STK32B: variants seen among roughly 807,000 people sequenced by gnomAD.
STK32B encodes the protein serine/threonine kinase 32B, also known as serine/threonine-protein kinase 32B.
Under a neutral mutation model 52.6 loss-of-function variants are expected in STK32B, and 43 were observed. The observed-to-expected ratio is 0.82, with a 90% CI of 0.64 to 1.05. The LOEUF (loss-of-function observed/expected upper bound fraction) is 1.05, where lower values mean the gene tolerates loss of function less well. Ranked by LOEUF, STK32B falls within the 50% of genes least tolerant of loss-of-function variation. The pLI, the probability that STK32B is intolerant of heterozygous loss-of-function variation, is 0.00. For missense variants in STK32B, 621 were observed against 534.6 expected (o/e 1.16, Z -1.59); for synonymous variants, 238 against 204.3 (o/e 1.17, Z -1.41).
intron 3 of STK32B, among the ~76,000 whole-genome samples, chr4:5,171,277 G>C (rs905024203): frequency 1.3e-5 from 2 of 151,892 alleles, no homozygotes; most frequent in East Asian, 1.9e-4. Context: ...CTCTGATGGT[G>C]GTTTCTTTTG....
intron 3 of STK32B, among the ~76,000 whole-genome samples, chr4:5,193,255 G>A (rs566486676): frequency 6.6e-6 from 1 of 152,222 alleles, no homozygotes; most frequent in East Asian, 1.9e-4. Context: ...CTGCAGGACT[G>A]GGCCTCATCT....
intron 1 of STK32B, among the ~76,000 whole-genome samples, chr4:5,111,008 A>G (rs1438781043): frequency 6.6e-6 from 1 of 152,154 alleles, no homozygotes; most frequent in Admixed American, 6.5e-5. Context: ...ACAAACACAT[A>G]AAAATGCTTA....
chr4:5,450,962 C>G, intron 7 of STK32B, among the ~76,000 whole-genome samples: 1 of 152,276 alleles, frequency 6.6e-6, no homozygotes, highest in East Asian at 1.9e-4. Context: ...GGTTCCCATC[C>G]ACACTCTGTG....
chr4:5,286,714 A>G (rs1728564692), intron 3 of STK32B, among the ~76,000 whole-genome samples: 2 of 151,336 alleles, frequency 1.3e-5, no homozygotes, highest in South Asian at 4.2e-4. Context: ...TCAAAATAGG[A>G]CTGTTTTTGC....
At chr4:5,305,022 A>G (rs1481635777) in intron 3 of STK32B, among the ~76,000 whole-genome samples, 1 of 151,936 alleles carries the variant, frequency 6.6e-6, no homozygotes, top group African/African-American at 2.4e-5. Context: ...TCATCCCTGC[A>G]TCCCTGTTAT....
chr4:5,402,525 C>T lies in STK32B; in HGVS notation c.472+4281C>T, dbSNP rs144920961. Among the ~76,000 whole-genome samples the T allele has an allele frequency of 2.3e-4, 35 of 152,368 alleles. 1 individual carries two copies. In the East Asian group the frequency reaches 6.2e-3, roughly 27 times the overall value. ...AAGTGGTTCGCTTGTTGCACACCTG[C>T]CATGGCCAGGCATTGTGTCCAGTGA... On this transcript the variant is annotated intron_variant, in intron 5 of 11. Transcript: ENST00000282908.
chr4:5,176,150 A>C (rs773335422), intron 3 of STK32B, among the ~76,000 whole-genome samples: 1 of 152,156 alleles, frequency 6.6e-6, no homozygotes, highest in African/African-American at 2.4e-5. Flanking sequence ...CCCATTGGAA[A>C]AGCGTAGTAT....
At chr4:5,063,819 G>A (rs144737586) in intron 1 of STK32B, among the ~76,000 whole-genome samples, 18 of 152,112 alleles carry the variant, frequency 1.2e-4, no homozygotes, top group Non-Finnish European at 1.9e-4. Context: ...TTATTTCCTC[G>A]CCAATATTTA....
At chr4:5,059,602 C>CAAATTCTTGGATT (rs1742141253) in intron 1 of STK32B, among the ~76,000 whole-genome samples, 1 of 152,138 alleles carries the variant, frequency 6.6e-6, no homozygotes, top group Non-Finnish European at 1.5e-5. Flanking sequence ...GATTTGCCAA[C>CAAATTCTTGGATT]GTTTTGTTTA....
intron 3 of STK32B, among the ~76,000 whole-genome samples, chr4:5,252,734 A>C (rs551837674): frequency 1.2e-4 from 18 of 152,296 alleles, no homozygotes; most frequent in African/African-American, 4.3e-4. Flanking sequence ...ACCACTTCTA[A>C]CCTGCGTGGT....
At chr4:5,289,883 A>G (rs933406049) in intron 3 of STK32B, among the ~76,000 whole-genome samples, 2 of 151,718 alleles carry the variant, frequency 1.3e-5, no homozygotes, top group Non-Finnish European at 2.9e-5. Flanking sequence ...TTTTAGGTTC[A>G]GGGATACGTG....
chr4:5,374,165 G>T (rs1043512941), intron 4 of STK32B, among the ~76,000 whole-genome samples: 1 of 152,142 alleles, frequency 6.6e-6, no homozygotes, highest in African/African-American at 2.4e-5. Flanking sequence ...GGCAAGAAGA[G>T]TTCTCCCTTA....
chr4:5,324,460 C>T (rs1197403002), intron 3 of STK32B, among the ~76,000 whole-genome samples: 1 of 152,168 alleles, frequency 6.6e-6, no homozygotes, highest in Non-Finnish European at 1.5e-5. Context: ...GGGTCACCTG[C>T]CTCAGTTTCC....
chr4:5,166,096 T>A (rs1304989737), intron 2 of STK32B, among the ~76,000 whole-genome samples: 1 of 151,234 alleles, frequency 6.6e-6, no homozygotes, highest in Non-Finnish European at 1.5e-5. Flanking sequence ...CTTGAATAGA[T>A]TTGCAACGTG....
intron 6 of STK32B, among the ~76,000 whole-genome samples, chr4:5,432,992 C>G (rs1713727000): frequency 6.6e-6 from 1 of 152,134 alleles, no homozygotes; most frequent in South Asian, 2.1e-4. Context: ...AGCTGAGGTT[C>G]AGTTGCAGGC....
rs1297808440 is a variant in STK32B, at chr4:5,268,536, GTGGTGT to G, written c.261-62683_261-62678del. On this transcript the variant is annotated intron_variant, in intron 3 of 11. Coordinates refer to ENST00000282908, the MANE Select transcript of STK32B (RefSeq NM_018401.3). Reference sequence around the variant, plus strand: ...TAAGCACTATTTGAAGTTGCTTGGTGTGGTGTGTGTGTGTGTGTGTGTGTGTGTGTG... The same window carrying G: ...TAAGCACTATTTGAAGTTGCTTGGTGGTGTGTGTGTGTGTGTGTGTGTGTG... Among the ~76,000 whole-genome samples, 569 of 131,602 alleles carry G rather than the reference GTGGTGT, an allele frequency of 4.3e-3. 4 individuals are homozygous for G. The highest frequency in any genetic ancestry group is 6.4e-3 in the Non-Finnish European group (403 of 63,044). The allele number at this position is 131,602 out of a possible 152,430, so 86.3% of individuals were successfully genotyped here. A position where few individuals can be genotyped will look rare whatever the true frequency, so the allele number is the denominator to read the frequency against.
chr4:5,209,016 C>T (rs1231540732), intron 3 of STK32B, among the ~76,000 whole-genome samples: 2 of 152,220 alleles, frequency 1.3e-5, no homozygotes, highest in Non-Finnish European at 2.9e-5. Flanking sequence ...CCCAGTTGGG[C>T]ACATGCCCCT....
At chr4:5,183,372 G>C (rs1448989917) in intron 3 of STK32B, among the ~76,000 whole-genome samples, 1 of 151,940 alleles carries the variant, frequency 6.6e-6, no homozygotes, top group Non-Finnish European at 1.5e-5. Flanking sequence ...ACCTACTTGG[G>C]AGGCTGAGGC....
chr4:5,317,512 A>AT (rs1731171207), intron 3 of STK32B, among the ~76,000 whole-genome samples: 1 of 84,372 alleles, frequency 1.2e-5, no homozygotes, highest in Non-Finnish European at 2.0e-5. Flanking sequence ...ATATATGTAT[A>AT]ATATATTTAT....
Sources: gnomAD v4.1 joint callset for allele counts (sites outside exome capture counted in the v4.1 genomes callset) on GRCh38, gnomAD v4.1.1 for gene constraint, MANE v1.5 for transcripts, NCBI Gene and HGNC (gene_info 2026-07-23, HGNC 2026-07-21) for gene names.